ADAMTS20: variants seen among roughly 807,000 people sequenced by gnomAD.
ADAMTS20 encodes the protein ADAM metallopeptidase with thrombospondin type 1 motif 20.
In ADAMTS20, 225 loss-of-function variants were observed where a neutral mutation model predicts 260.1. That is an observed-to-expected ratio of 0.87 (90% CI 0.78 to 0.97). The LOEUF is 0.97. Ranked by LOEUF, ADAMTS20 falls within the 50% of genes least tolerant of loss-of-function variation. The pLI, the probability that ADAMTS20 is intolerant of heterozygous loss-of-function variation, is 0.00. For synonymous variants in ADAMTS20, 802 were observed against 769.5 expected (o/e 1.04, Z -0.70); for missense variants, 2,400 against 2,337.7 (o/e 1.03, Z -0.55).
At chr12:43,354,465 C>T (rs926475925) in intron 38 of ADAMTS20, among the ~76,000 whole-genome samples, 167 bp from the exon 39 acceptor site, 1 of 152,080 alleles carries the variant, frequency 6.6e-6, no homozygotes, top group Non-Finnish European at 1.5e-5. Flanking sequence ...GATATTAGTT[C>T]AAATTGGTGG....
Position 43,485,094 on chromosome 12 carries a change from C to CAAAAAAAAAAAAAAAAAAAA in ADAMTS20, c.1117+5300_1117+5301insTTTTTTTTTTTTTTTTTTTT, listed in dbSNP as rs59409245. On this transcript the variant is annotated intron_variant, in intron 7 of 38. Transcript: ENST00000389420. ...GATACCAGTCAAGAAAGGACGTAGCCAAAAAAAAAAAAAAAAAGCAACAAC... is the reference window on the plus strand; with the variant it reads ...GATACCAGTCAAGAAAGGACGTAGCCAAAAAAAAAAAAAAAAAAAAAAAAAAAAAAAAAAAAAGCAACAAC... Among the ~76,000 whole-genome samples the CAAAAAAAAAAAAAAAAAAAA allele has an allele frequency of 2.5e-5, 3 of 118,750 alleles. 1 individual carries two copies. The highest frequency in any genetic ancestry group is 8.2e-5 in the Admixed American group (1 of 12,168). 77.9% of individuals were successfully genotyped at this position (118,750 alleles called of 152,430 possible).
At chr12:43,441,096 G>T (rs1044329572) in intron 16 of ADAMTS20, among the ~76,000 whole-genome samples, 5 of 151,572 alleles carry the variant, frequency 3.3e-5, no homozygotes, top group Non-Finnish European at 5.9e-5. Context: ...AAACTCTAGG[G>T]TCAACATTCT....
At chr12:43,431,682 G>C (rs542424834) in intron 21 of ADAMTS20, among the ~76,000 whole-genome samples, 186 bp from the exon 22 acceptor site, 8 of 152,164 alleles carry the variant, frequency 5.3e-5, no homozygotes, top group Non-Finnish European at 7.4e-5. Flanking sequence ...TGCTGCCCAA[G>C]TCCCACTGAA....
intron 28 of ADAMTS20, among the ~76,000 whole-genome samples, chr12:43,419,875 T>A (rs1166984172): frequency 6.6e-6 from 1 of 152,176 alleles, no homozygotes; most frequent in Non-Finnish European, 1.5e-5. Flanking sequence ...CTGAACATCA[T>A]ATCTAGGACA....
intron 4 of ADAMTS20, among the ~76,000 whole-genome samples, chr12:43,498,706 A>T (rs188932180): frequency 6.6e-6 from 1 of 152,284 alleles, no homozygotes; most frequent in African/African-American, 2.4e-5. Flanking sequence ...GCGGTTTTTG[A>T]AATGGTCTTA....
intron 28 of ADAMTS20, chr12:43,423,674 T>G (rs1565690692): frequency 4.3e-6 from 3 of 697,104 alleles, no homozygotes; most frequent in African/African-American, 1.8e-5. Flanking sequence ...CAATCTAAGA[T>G]AGCTAATAAA....
In ADAMTS20 at chr12:43,420,800, C is replaced by CTTTTTTTTTTTTTTTTT. The variant is rs747496684; in HGVS notation, c.4284+4697_4284+4713dup. Among the ~76,000 whole-genome samples the CTTTTTTTTTTTTTTTTT allele has an allele frequency of 5.8e-3, 324 of 55,498 alleles. 42 individuals carry two copies. Among genetic ancestry groups the CTTTTTTTTTTTTTTTTT allele is most frequent in the African/African-American group, 6.8e-3 (93 of 13,608 alleles). The allele number at this position is 55,498 out of a possible 152,430, so 36.4% of individuals were successfully genotyped here. A position where few individuals can be genotyped will look rare whatever the true frequency, so the allele number is the denominator to read the frequency against. On this transcript the variant is annotated intron_variant, in intron 28 of 38. Coordinates refer to ENST00000389420, the MANE Select transcript of ADAMTS20 (RefSeq NM_025003.5). ...TCTTCTTCTTCTCCTCCTCCTCCTTCTTTTTTTTTTTTTTTTTTTTTTTTT... is the reference window on the plus strand; with the variant it reads ...TCTTCTTCTTCTCCTCCTCCTCCTTCTTTTTTTTTTTTTTTTTTTTTTTTTTTTTTTTTTTTTTTTTT...
chr12:43,421,499 A>C (rs545824681), intron 28 of ADAMTS20, among the ~76,000 whole-genome samples: 1 of 152,196 alleles, frequency 6.6e-6, no homozygotes, highest in South Asian at 2.1e-4. Flanking sequence ...AAACTTAGTG[A>C]GAAAATTTAA....
chr12:43,453,994 T>C lies in ADAMTS20; in HGVS notation c.1673A>G (p.Glu558Gly), dbSNP rs748215860. ...ACTGTAAGGTTCCCATGGTCCCCAT[T>C]CACCATTTACAGGACGTGTTTCCGT... Reference protein sequence around the residue: ...KETETRPVNGEWGPWEPYSSC... With the variant: ...KETETRPVNGGWGPWEPYSSC... The change falls in exon 12 of 39, where the codon GAA becomes GGA. Residue 558 changes from glutamate to glycine, a missense_variant. Glu to Gly is a moderately conservative substitution (Grantham distance 98). Coordinates refer to ENST00000389420, the MANE Select transcript of ADAMTS20 (RefSeq NM_025003.5). The C allele has an allele frequency of 1.7e-5, 28 of 1,613,686 alleles. No homozygotes were observed. Among genetic ancestry groups the C allele is most frequent in the Non-Finnish European group, 2.0e-5 (24 of 1,179,828 alleles).
At chr12:43,377,186 T>A (rs1940248201) in intron 32 of ADAMTS20, among the ~76,000 whole-genome samples, 179 bp downstream of exon 32, 1 of 152,196 alleles carries the variant, frequency 6.6e-6, no homozygotes, top group Non-Finnish European at 1.5e-5. Flanking sequence ...TTAAGCGAGT[T>A]ATAGCAAGCA....
At chr12:43,369,248 T>C in intron 37 of ADAMTS20, 42 bp downstream of exon 37, 1 of 1,269,474 alleles carries the variant, frequency 7.9e-7, no homozygotes, top group Non-Finnish European at 1.0e-6. Context: ...GCTATAATTT[T>C]TTTCACAAAG....
chr12:43,470,182 C>T (rs1942229062), intron 7 of ADAMTS20, among the ~76,000 whole-genome samples: 1 of 152,128 alleles, frequency 6.6e-6, no homozygotes, highest in Admixed American at 6.5e-5. Context: ...ATATGTTTCT[C>T]TTTTGTCAGG....
intron 28 of ADAMTS20, among the ~76,000 whole-genome samples, chr12:43,415,992 T>C (rs1941122560): frequency 6.6e-6 from 1 of 152,146 alleles, no homozygotes; most frequent in Non-Finnish European, 1.5e-5. Context: ...AGTCCAAACT[T>C]CCCTGATCTC....
Position 43,450,552 on chromosome 12 carries a change from C to T in ADAMTS20, c.2079+1722G>A, listed in dbSNP as rs528899353. Among the ~76,000 whole-genome samples the T allele has an allele frequency of 4.7e-4, 72 of 152,090 alleles. 1 individual carries two copies. Among genetic ancestry groups the T allele is most frequent in the African/African-American group, 1.2e-3 (50 of 41,492 alleles). On this transcript the variant is annotated intron_variant, in intron 14 of 38. Coordinates refer to ENST00000389420, the MANE Select transcript of ADAMTS20 (RefSeq NM_025003.5). ...ACCTTTTCAGTATTTAAACTGTTTC[C>T]GACTTAAATTATTTTAATTCTCTTT...
At chr12:43,408,484 G>A (rs1441115758) in intron 28 of ADAMTS20, among the ~76,000 whole-genome samples, 5 of 152,178 alleles carry the variant, frequency 3.3e-5, no homozygotes, top group Non-Finnish European at 7.4e-5. Context: ...TTATGTGCTA[G>A]CTGTGGGAGT....
intron 38 of ADAMTS20, among the ~76,000 whole-genome samples, chr12:43,355,094 T>C (rs1565661521): frequency 6.6e-6 from 1 of 152,190 alleles, no homozygotes; most frequent in African/African-American, 2.4e-5. Flanking sequence ...GGAGTAAAGA[T>C]AGAGAAGAAA....
chr12:43,390,948 A>T (rs954381662), intron 29 of ADAMTS20, among the ~76,000 whole-genome samples: 3 of 152,224 alleles, frequency 2.0e-5, no homozygotes, highest in Non-Finnish European at 4.4e-5. Context: ...TTGTTATAGC[A>T]GCACCTCATT....
intron 2 of ADAMTS20, among the ~76,000 whole-genome samples, chr12:43,536,087 T>C (rs1388536941): frequency 6.6e-6 from 1 of 151,974 alleles, no homozygotes; most frequent in Non-Finnish European, 1.5e-5. Flanking sequence ...ATATATTCAT[T>C]CCTATACATA....
intron 3 of ADAMTS20, among the ~76,000 whole-genome samples, chr12:43,518,090 A>G (rs1359134843): frequency 4.6e-5 from 7 of 152,024 alleles, no homozygotes; most frequent in Non-Finnish European, 1.0e-4. Context: ...ACTTAATGCT[A>G]TATCCCAAAG....
Sources: allele counts gnomAD v4.1 joint callset (sites outside exome capture counted in the v4.1 genomes callset), GRCh38; gene constraint gnomAD v4.1.1; transcripts MANE v1.5; gene names NCBI Gene and HGNC (gene_info 2026-07-23, HGNC 2026-07-21).